RBM25: variants seen among roughly 807,000 people sequenced by gnomAD.
The protein encoded by RBM25 is RNA binding motif protein 25.
In RBM25, 19 loss-of-function variants were observed where a neutral mutation model predicts 120.7. That is an observed-to-expected ratio of 0.16 (90% CI 0.11 to 0.23). The LOEUF (loss-of-function observed/expected upper bound fraction) is 0.23, where lower values mean the gene tolerates loss of function less well. RBM25 is among the 10% of genes least tolerant of loss of function. The pLI, the probability that RBM25 is intolerant of heterozygous loss-of-function variation, is 1.00. For synonymous variants in RBM25, 390 were observed against 326.7 expected, an observed-to-expected ratio of 1.19 and a Z score of -2.09; for missense variants, 605 against 1,041.5, an observed-to-expected ratio of 0.58 and a Z score of 5.77.
chr14:73,087,551 G>A (rs376416214), intron 5 of RBM25, among the ~76,000 whole-genome samples: 7 of 151,900 alleles, frequency 4.6e-5, no homozygotes, highest in African/African-American at 1.7e-4. Context: ...GCCCGCCACC[G>A]CGCCCGGCTA....
At chr14:73,067,303 A>C (rs957231441) in intron 1 of RBM25, among the ~76,000 whole-genome samples, 26 of 152,138 alleles carry the variant, frequency 1.7e-4, no homozygotes, top group African/African-American at 5.3e-4. Context: ...TTATATGTCT[A>C]TTATCTCCAG....
In RBM25 at chr14:73,123,137, G is replaced by A. The variant is rs1896564874; in HGVS notation, c.*3332G>A. On this transcript the variant is annotated 3_prime_UTR_variant, in exon 19 of 19. Transcript: ENST00000261973. ...TGGCATTTCCCTGTAAACTATGTAA[G>A]TGTAAGCTAATGATTATTTTGTGAA... 6.6e-6 allele frequency: 1 copy of A among 151,818 alleles called. No homozygotes were observed. Among genetic ancestry groups the A allele is most frequent in the African/African-American group, 2.4e-5 (1 of 41,316 alleles). 9.4% of individuals were successfully genotyped at this position (151,818 alleles called of 1,614,324 possible).
chr14:73,092,136 ATAACT>A lies in RBM25; in HGVS notation c.543+3979_543+3983del, dbSNP rs1349314986. 2.6e-5 allele frequency among the ~76,000 whole-genome samples: 4 copies of A among 152,154 alleles called. No individual in the cohort carries two copies. The East Asian group carries it at 7.7e-4, about 29-fold the overall frequency. On this transcript the variant is annotated intron_variant, in intron 6 of 18. Coordinates refer to ENST00000261973, the MANE Select transcript of RBM25 (RefSeq NM_021239.3). ...ATCTGATGTAAAAAAAAATTTTCAA[ATAACT>A]TAAGCAAATATTACTATATAGTGGA...
intron 5 of RBM25, among the ~76,000 whole-genome samples, chr14:73,086,567 C>T (rs894233618): frequency 4.6e-5 from 7 of 152,044 alleles, no homozygotes; most frequent in African/African-American, 1.4e-4. Flanking sequence ...CCTTTTTCCC[C>T]ACACTGAGGT....
rs149530207 is a variant in RBM25, at chr14:73,064,752, T to C, written c.-16+6047T>C. Among the ~76,000 whole-genome samples the C allele has an allele frequency of 5.3e-3, 803 of 151,276 alleles. 8 individuals are homozygous for C. Among genetic ancestry groups the C allele is most frequent in the African/African-American group, 0.018 (763 of 41,428 alleles). Reference sequence around the variant, plus strand: ...TTAGCTGTTAACTGGTATTTTTGCCTTCACCTTTGAAGTCCAGCCTATCAA... The same window carrying C: ...TTAGCTGTTAACTGGTATTTTTGCCCTCACCTTTGAAGTCCAGCCTATCAA... On this transcript the variant is annotated intron_variant, in intron 1 of 18. Coordinates refer to ENST00000261973, the MANE Select transcript of RBM25 (RefSeq NM_021239.3).
Position 73,106,204 on chromosome 14 carries a change from G to C in RBM25, c.1386G>C (p.Lys462Asn). The C allele has an allele frequency of 6.3e-7, 1 of 1,590,452 alleles. No individual in the cohort carries two copies. Among genetic ancestry groups the C allele is most frequent in the South Asian group, 1.2e-5 (1 of 85,636 alleles). The change falls in exon 12 of 19, where the codon AAG becomes AAC. Residue 462 changes from lysine (K) to asparagine (N), a missense_variant. Lys to Asn is a moderately conservative substitution (Grantham distance 94). Transcript: ENST00000261973. ...EKEAAYQERLKNWEIRERKKT... is the reference protein window; with the variant it reads ...EKEAAYQERLNNWEIRERKKT... ...AAATTTAATTTTTTTAGCGCCTTAA[G>C]AATTGGGAAATCAGAGAACGAAAGA...
At chr14:73,101,157 T>G (rs895498441) in intron 9 of RBM25, 1 of 152,126 alleles carries the variant, frequency 6.6e-6, no homozygotes, top group Admixed American at 6.5e-5. Flanking sequence ...CTTTTCAAAA[T>G]AAAAAGAAAT....
chr14:73,122,849 A>G lies in RBM25; in HGVS notation c.*3044A>G, dbSNP rs1246131972. On this transcript the variant is annotated 3_prime_UTR_variant, in exon 19 of 19. Coordinates refer to ENST00000261973, the MANE Select transcript of RBM25 (RefSeq NM_021239.3). ...TAATGTCATTGCCAACTGATCCAAGACTACATTTTGATTAGCACTTTAAGG... is the reference window on the plus strand; with the variant it reads ...TAATGTCATTGCCAACTGATCCAAGGCTACATTTTGATTAGCACTTTAAGG... The G allele has an allele frequency of 6.6e-6, 1 of 152,212 alleles. No homozygotes were observed. Among genetic ancestry groups the G allele is most frequent in the East Asian group, 1.9e-4 (1 of 5,200 alleles). The allele number at this position is 152,212 out of a possible 1,614,324, so 9.4% of individuals were successfully genotyped here.
Position 73,096,920 on chromosome 14 carries a change from A to G in RBM25, c.549A>G (p.Ala183=). ...AATTTGCTGTTTTGTTTAAGAATGC[A>G]AGGCCAGAAACTGTCACTAATGACG... ...KAKKKASNGN[A]RPETVTNDDE... Residue 183 remains alanine (A), a synonymous_variant, in exon 7 of 19, where the codon GCA becomes GCG. Transcript: ENST00000261973. 2 of 1,608,744 alleles carry G rather than the reference A, an allele frequency of 1.2e-6. No individual in the cohort carries two copies. The highest frequency in any genetic ancestry group is 1.1e-5 in the South Asian group (1 of 89,426).
intron 4 of RBM25, among the ~76,000 whole-genome samples, chr14:73,080,901 T>C (rs1220812246): frequency 4.0e-5 from 6 of 151,502 alleles, no homozygotes; most frequent in African/African-American, 1.5e-4. Flanking sequence ...CTCAGCTCAC[T>C]GCAACCTCGC....
chr14:73,110,084 C>T (rs528274863), intron 14 of RBM25, among the ~76,000 whole-genome samples: 3 of 151,538 alleles, frequency 2.0e-5, no homozygotes, highest in Non-Finnish European at 4.4e-5. Context: ...GGGGTTTTAC[C>T]ATGTTGGCCA....
Position 73,111,589 on chromosome 14 carries a change from T to C in RBM25, c.2079T>C (p.Ser693=), listed in dbSNP as rs542043757. The change falls in exon 16 of 19, where the codon AGT becomes AGC. Residue 693 remains serine, a synonymous_variant. Transcript: ENST00000261973. The part of the protein sequence containing the change: ...SVKRKKLPVD[S]VFNKFEDEDS... ...AGAGAAAGAAACTACCTGTAGATAGTGTCTTTAACAAATTTGAGGATGAAG... is the reference window on the plus strand; with the variant it reads ...AGAGAAAGAAACTACCTGTAGATAGCGTCTTTAACAAATTTGAGGATGAAG... The C allele has an allele frequency of 2.5e-6, 4 of 1,614,044 alleles. No homozygotes were observed. In the South Asian group the frequency reaches 3.3e-5, roughly 13 times the overall value.
intron 2 of RBM25, 63 bp from the exon 3 acceptor site, chr14:73,076,256 G>T: frequency 7.7e-7 from 1 of 1,299,832 alleles, no homozygotes; most frequent in Non-Finnish European, 1.1e-6. Context: ...ATACTTAATT[G>T]TGTGGCATGT....
Position 73,087,256 on chromosome 14 carries a change from G to A in RBM25, c.383-745G>A, listed in dbSNP as rs143059478. On this transcript the variant is annotated intron_variant, in intron 5 of 18. Transcript: ENST00000261973. ...AAAGGAAATAGATGTAAGTAAAATA[G>A]ACTGGTAACTAGGATACAAATTCTG... Among the ~76,000 whole-genome samples the A allele has an allele frequency of 6.4e-3, 969 of 152,274 alleles. 12 individuals carry two copies. Among genetic ancestry groups the A allele is most frequent in the Non-Finnish European group, 7.2e-3 (488 of 68,026 alleles).
chr14:73,072,815 G>A (rs1430550688), intron 2 of RBM25, among the ~76,000 whole-genome samples: 1 of 152,096 alleles, frequency 6.6e-6, no homozygotes, highest in Non-Finnish European at 1.5e-5. Flanking sequence ...TTTTTCTTTT[G>A]ACTTAAGAAC....
In RBM25 at chr14:73,119,860, G is replaced by T. The variant is rs1896509279; in HGVS notation, c.*55G>T. ...ATTTCTTCTTTGCCACCCTTTTAAG[G>T]ACTTTGAATTTTTCTTTGTCTTTGA... On this transcript the variant is annotated 3_prime_UTR_variant, in exon 19 of 19. Coordinates refer to ENST00000261973, the MANE Select transcript of RBM25 (RefSeq NM_021239.3). The T allele has an allele frequency of 6.4e-7, 1 of 1,550,930 alleles. No homozygotes were observed.
intron 13 of RBM25, among the ~76,000 whole-genome samples, chr14:73,108,818 T>C (rs906199047): frequency 2.0e-5 from 3 of 152,212 alleles, no homozygotes; most frequent in African/African-American, 4.8e-5. Flanking sequence ...TATTGAAGGC[T>C]AGAAGCATAA....
intron 17 of RBM25, 55 bp from the exon 18 acceptor site, chr14:73,114,231 C>T (rs1444349950): frequency 3.9e-6 from 5 of 1,274,920 alleles, no homozygotes; most frequent in Non-Finnish European, 5.4e-6. Context: ...AATTTCTTGA[C>T]TGTATTGTTA....
rs977466192 is a variant in RBM25, at chr14:73,122,854, A to G, written c.*3049A>G. On this transcript the variant is annotated 3_prime_UTR_variant, in exon 19 of 19. Transcript: ENST00000261973. ...TCATTGCCAACTGATCCAAGACTAC[A>G]TTTTGATTAGCACTTTAAGGTGTCT... 3 of 152,200 alleles carry G rather than the reference A, an allele frequency of 2.0e-5. No individual in the cohort carries two copies. The highest frequency in any genetic ancestry group is 1.9e-4 in the East Asian group (1 of 5,202). The allele number at this position is 152,200 out of a possible 1,614,324, so 9.4% of individuals were successfully genotyped here.
Sources: gnomAD v4.1 joint callset for allele counts (sites outside exome capture counted in the v4.1 genomes callset) on GRCh38, gnomAD v4.1.1 for gene constraint, MANE v1.5 for transcripts, NCBI Gene and HGNC (gene_info 2026-07-23, HGNC 2026-07-21) for gene names.